CHCHD6: variants seen among roughly 807,000 people sequenced by gnomAD.
CHCHD6 encodes MICOS complex subunit MIC25.
In CHCHD6, 28 loss-of-function variants were observed where a neutral mutation model predicts 32.3. The ratio of observed to expected loss-of-function variants is 0.87; its 90% CI spans 0.64 to 1.19. The LOEUF is 1.19. Ranked by LOEUF, CHCHD6 falls within the 50% of genes most tolerant of loss-of-function variation. CHCHD6 has a pLI of 0.00. For synonymous variants in CHCHD6, 122 were observed against 117.5 expected (o/e 1.04, Z -0.25); for missense variants, 333 against 307.0 (o/e 1.08, Z -0.63).
chr3:126,738,301 G>T (rs892533980), intron 4 of CHCHD6, among the ~76,000 whole-genome samples: 31 of 152,292 alleles, frequency 2.0e-4, no homozygotes, highest in Admixed American at 9.8e-4. Context: ...GTCGTTTTAT[G>T]TAAGAGGCTT....
chr3:126,948,983 C>T (rs2078677483), intron 6 of CHCHD6, among the ~76,000 whole-genome samples: 2 of 152,164 alleles, frequency 1.3e-5, no homozygotes, highest in South Asian at 4.1e-4. Flanking sequence ...GCTACCCAGG[C>T]CAGAAGGGGA....
intron 5 of CHCHD6, chr3:126,865,637 C>T (rs528873909): frequency 4.1e-6 from 4 of 985,166 alleles, no homozygotes; most frequent in South Asian, 9.4e-5. Context: ...CTGCTGCCCC[C>T]TCTCCCACCG....
chr3:126,741,731 G>C (rs1291244740), intron 4 of CHCHD6, among the ~76,000 whole-genome samples: 1 of 152,160 alleles, frequency 6.6e-6, no homozygotes, highest in East Asian at 1.9e-4. Flanking sequence ...ATGTGATTCT[G>C]GTGCAGCAAG....
At chr3:126,829,431 C>A (rs1940541999) in intron 4 of CHCHD6, among the ~76,000 whole-genome samples, 1 of 151,812 alleles carries the variant, frequency 6.6e-6, no homozygotes, top group South Asian at 2.1e-4. Flanking sequence ...TTCTGCTTGC[C>A]TTTGGTCATT....
chr3:126,759,011 AC>A (rs746240599), intron 4 of CHCHD6, among the ~76,000 whole-genome samples: 4 of 152,076 alleles, frequency 2.6e-5, no homozygotes, highest in Non-Finnish European at 4.4e-5. Context: ...ATTCTCTGCT[AC>A]CTCTTGCTGT....
chr3:126,936,663 C>G (rs1266381274), intron 6 of CHCHD6, among the ~76,000 whole-genome samples: 1 of 152,186 alleles, frequency 6.6e-6, no homozygotes, highest in Non-Finnish European at 1.5e-5. Flanking sequence ...TCAAGCGATT[C>G]TCCTACCTCA....
intron 4 of CHCHD6, among the ~76,000 whole-genome samples, chr3:126,796,886 A>C (rs1938818014): frequency 1.3e-5 from 2 of 152,162 alleles, no homozygotes. Context: ...CTGAGAAGTC[A>C]GGGGAGGATC....
intron 5 of CHCHD6, among the ~76,000 whole-genome samples, chr3:126,881,836 C>T (rs1298487158): frequency 6.6e-6 from 1 of 152,118 alleles, no homozygotes; most frequent in African/African-American, 2.4e-5. Flanking sequence ...CGAGGTACTG[C>T]GGGAGGGCAT....
chr3:126,735,109 G>T (rs1935985282), intron 4 of CHCHD6, among the ~76,000 whole-genome samples: 1 of 152,146 alleles, frequency 6.6e-6, no homozygotes, highest in Admixed American at 6.5e-5. Flanking sequence ...AAGTAAGAAG[G>T]ACCCCTATCC....
intron 4 of CHCHD6, among the ~76,000 whole-genome samples, chr3:126,751,503 C>CAAAAAA (rs774893414): frequency 1.4e-5 from 1 of 71,750 alleles, no homozygotes; most frequent in African/African-American, 4.8e-5. Flanking sequence ...GACCCTGTCT[C>CAAAAAA]AAAAAAAAAA....
intron 5 of CHCHD6, among the ~76,000 whole-genome samples, chr3:126,865,113 ACTT>A (rs1218337643): frequency 2.2e-5 from 2 of 91,336 alleles, no homozygotes; most frequent in Non-Finnish European, 3.9e-5. Flanking sequence ...CACCACCTCC[ACTT>A]CTTCCTCCTC....
At chr3:126,772,852 G>T (rs1473270894) in intron 4 of CHCHD6, among the ~76,000 whole-genome samples, 3 of 152,178 alleles carry the variant, frequency 2.0e-5, no homozygotes, top group Admixed American at 2.0e-4. Flanking sequence ...GTGTGTTTTT[G>T]TAGTGGCCAG....
intron 1 of CHCHD6, among the ~76,000 whole-genome samples, chr3:126,707,870 A>G (rs1934570107): frequency 6.6e-6 from 1 of 152,194 alleles, no homozygotes; most frequent in South Asian, 2.1e-4. Context: ...TCCTCACCTC[A>G]GTGAATGTCC....
In CHCHD6 at chr3:126,824,414, A is replaced by G. The variant is rs952714517; in HGVS notation, c.412-28233A>G. On this transcript the variant is annotated intron_variant, in intron 4 of 7. Coordinates refer to ENST00000290913, the MANE Select transcript of CHCHD6 (RefSeq NM_032343.3). Reference sequence around the variant, plus strand: ...CCGTCTCTGCTAAAACTACAAAATTAGCTGGGTGTGGTGGTGCGTGCCTGT... The same window carrying G: ...CCGTCTCTGCTAAAACTACAAAATTGGCTGGGTGTGGTGGTGCGTGCCTGT... Among the ~76,000 whole-genome samples the G allele has an allele frequency of 4.0e-5, 6 of 151,360 alleles. No homozygotes were observed. In the South Asian group the frequency reaches 1.3e-3, roughly 32 times the overall value.
chr3:126,862,264 A>C (rs1941936793), intron 5 of CHCHD6, among the ~76,000 whole-genome samples: 1 of 118,524 alleles, frequency 8.4e-6, no homozygotes. Context: ...CTCCTCCATC[A>C]CCTCCTCCTC....
chr3:126,712,738 C>A (rs1475060989), intron 1 of CHCHD6, among the ~76,000 whole-genome samples: 2 of 152,214 alleles, frequency 1.3e-5, no homozygotes, highest in Non-Finnish European at 2.9e-5. Flanking sequence ...CCTGGCCATT[C>A]TCTTTCATCC....
At chr3:126,800,534 A>G (rs1413257790) in intron 4 of CHCHD6, among the ~76,000 whole-genome samples, 1 of 152,192 alleles carries the variant, frequency 6.6e-6, no homozygotes, top group Non-Finnish European at 1.5e-5. Flanking sequence ...GAATGAAAAG[A>G]TGAGGTTGAA....
chr3:126,841,705 A>G (rs188998379), intron 4 of CHCHD6, among the ~76,000 whole-genome samples: 1 of 152,026 alleles, frequency 6.6e-6, no homozygotes, highest in African/African-American at 2.4e-5. Context: ...CAGGAGTTTG[A>G]GATCAGCCCA....
At chr3:126,852,407 C>T (rs1315824969) in intron 4 of CHCHD6, among the ~76,000 whole-genome samples, 1 of 151,982 alleles carries the variant, frequency 6.6e-6, no homozygotes, top group Non-Finnish European at 1.5e-5. Flanking sequence ...AACAGGACTC[C>T]CATAATCAAT....
Sources: allele counts gnomAD v4.1 joint callset (sites outside exome capture counted in the v4.1 genomes callset), GRCh38; gene constraint gnomAD v4.1.1; transcripts MANE v1.5; gene names NCBI Gene and HGNC (gene_info 2026-07-23, HGNC 2026-07-21).